Variants in FOXK1 observed in about 807,000 individuals in gnomAD.
The protein encoded by FOXK1 is forkhead box K1.
In FOXK1, 19 loss-of-function variants were observed where a neutral mutation model predicts 51.9. The ratio of observed to expected loss-of-function variants is 0.37; its 90% CI spans 0.26 to 0.54. The LOEUF (loss-of-function observed/expected upper bound fraction) is 0.54, where lower values mean the gene tolerates loss of function less well. FOXK1 is among the 20% of genes least tolerant of loss of function. The pLI, the probability that FOXK1 is intolerant of heterozygous loss-of-function variation, is 0.87. For missense variants in FOXK1, 870 were observed against 1,032.7 expected, an observed-to-expected ratio of 0.84 and a Z score of 2.16; for synonymous variants, 537 against 482.6, an observed-to-expected ratio of 1.11 and a Z score of -1.48.
rs1246334311 is a variant in FOXK1, at chr7:4,758,840, C to T, written c.1245-211C>T. Reference sequence around the variant, plus strand: ...CATGATACCGTCCCCTCTCATGGAACGGAGCCTCCCCCATGCAGCCCCCAC... The same window carrying T: ...CATGATACCGTCCCCTCTCATGGAATGGAGCCTCCCCCATGCAGCCCCCAC... On this transcript the variant is annotated intron_variant, in intron 5 of 8. Transcript: ENST00000328914. The surrounding 1 kb of genome is among the most constrained non-coding windows in gnomAD (Gnocchi z 4.4). 3 of 587,184 alleles carry T rather than the reference C, an allele frequency of 5.1e-6. No individual in the cohort carries two copies. The highest frequency in any genetic ancestry group is 3.0e-6 in the Non-Finnish European group (1 of 334,990). 36.4% of individuals were successfully genotyped at this position (587,184 alleles called of 1,614,324 possible).
In FOXK1 at chr7:4,691,885, A is replaced by G. The variant is rs554262634; in HGVS notation, c.560+9017A>G. Among the ~76,000 whole-genome samples the G allele has an allele frequency of 6.6e-5, 10 of 152,256 alleles. No homozygotes were observed. In the East Asian group the frequency reaches 1.7e-3, roughly 26 times the overall value. On this transcript the variant is annotated intron_variant, in intron 1 of 8. Coordinates refer to ENST00000328914, the MANE Select transcript of FOXK1 (RefSeq NM_001037165.2). Reference sequence around the variant, plus strand: ...CCTGTTCCCCTAAGTGTCAAAGGGCATGGTTCTCTTTGGGCAGAATGGCTG... The same window carrying G: ...CCTGTTCCCCTAAGTGTCAAAGGGCGTGGTTCTCTTTGGGCAGAATGGCTG...
chr7:4,704,298 A>G (rs1187668321), intron 1 of FOXK1, among the ~76,000 whole-genome samples: 1 of 151,996 alleles, frequency 6.6e-6, no homozygotes, highest in East Asian at 1.9e-4. Context: ...TAAAAACACA[A>G]AAATTAGTCG....
chr7:4,728,400 A>T (rs1780407732), intron 1 of FOXK1, among the ~76,000 whole-genome samples: 1 of 152,244 alleles, frequency 6.6e-6, no homozygotes, highest in Non-Finnish European at 1.5e-5. Context: ...CATTAAGCTC[A>T]TTCCACTTCA....
chr7:4,756,743 C>T lies in FOXK1; in HGVS notation c.1051-251C>T, dbSNP rs1023307238. On this transcript the variant is annotated intron_variant, in intron 4 of 8. Transcript: ENST00000328914. This position sits in a 1 kb window ranked among gnomAD's most constrained non-coding sequence, Gnocchi z 4.1. ...TCGTGCCACTGCACTCCATCCTGGG[C>T]GACAGAATGAGACTCCGTCAAAAAA... 2.0e-5 allele frequency among the ~76,000 whole-genome samples: 3 copies of T among 150,384 alleles called. No individual in the cohort carries two copies. The highest frequency in any genetic ancestry group is 3.2e-3 in the Middle Eastern group (1 of 310).
In FOXK1 at chr7:4,715,356, A is replaced by T. The variant is rs1780220999; in HGVS notation, c.561-25482A>T. ...CCGATAGGATCAAGCCCAAGTGTTC[A>T]GGGCGCTCAGCTGTGGGTGGCCCGT... On this transcript the variant is annotated intron_variant, in intron 1 of 8. Coordinates refer to ENST00000328914, the MANE Select transcript of FOXK1 (RefSeq NM_001037165.2). This position sits in a 1 kb window ranked among gnomAD's most constrained non-coding sequence, Gnocchi z 4.5. Among the ~76,000 whole-genome samples the T allele has an allele frequency of 6.6e-6, 1 of 152,130 alleles. No individual in the cohort carries two copies. Among genetic ancestry groups the T allele is most frequent in the Non-Finnish European group, 1.5e-5 (1 of 68,020 alleles).
chr7:4,705,948 A>T (rs1780084794), intron 1 of FOXK1, among the ~76,000 whole-genome samples: 1 of 130,624 alleles, frequency 7.7e-6, no homozygotes, highest in African/African-American at 3.7e-5. Flanking sequence ...TTTCAAAATT[A>T]TATATATATA....
intron 1 of FOXK1, among the ~76,000 whole-genome samples, chr7:4,697,798 G>A (rs1257302915): frequency 2.1e-5 from 3 of 145,760 alleles, no homozygotes; most frequent in Non-Finnish European, 3.0e-5. Context: ...TGTTTCTTTG[G>A]TATGAGTTTT....
intron 1 of FOXK1, among the ~76,000 whole-genome samples, chr7:4,713,048 G>A (rs901198952): frequency 6.6e-6 from 1 of 152,134 alleles, no homozygotes; most frequent in Admixed American, 6.5e-5. Context: ...CCCTTAGGCC[G>A]ATAACTCCAC....
At chr7:4,744,350 T>C (rs753224872) in intron 2 of FOXK1, among the ~76,000 whole-genome samples, 1 of 152,138 alleles carries the variant, frequency 6.6e-6, no homozygotes, top group Non-Finnish European at 1.5e-5. Context: ...GGGGTTCCCG[T>C]TACCTAAAGG....
chr7:4,750,552 C>T (rs1359953104), intron 2 of FOXK1, among the ~76,000 whole-genome samples: 2 of 151,886 alleles, frequency 1.3e-5, no homozygotes, highest in South Asian at 2.1e-4. Flanking sequence ...ACGCCATTCT[C>T]CTGCCTCAGC....
intron 1 of FOXK1, among the ~76,000 whole-genome samples, chr7:4,693,250 C>G (rs1779916085): frequency 1.3e-5 from 2 of 152,030 alleles, no homozygotes; most frequent in African/African-American, 4.8e-5. Flanking sequence ...AAACTTGATC[C>G]CTTCGAACCC....
rs906321364 is a variant in FOXK1 at position 4,734,845 on chromosome 7, C to T, written c.561-5993C>T. On this transcript the variant is annotated intron_variant, in intron 1 of 8. Coordinates refer to ENST00000328914, the MANE Select transcript of FOXK1 (RefSeq NM_001037165.2). This position sits in a 1 kb window ranked among gnomAD's most constrained non-coding sequence, Gnocchi z 5.2. ...GTTCACCCCATCCAGAAAGTAAACC[C>T]GTCCTTCCGCTGGGAGAGACGGGGC... Among the ~76,000 whole-genome samples, 3 of 152,160 alleles carry T rather than the reference C, an allele frequency of 2.0e-5. No individual in the cohort carries two copies. Among genetic ancestry groups the T allele is most frequent in the South Asian group, 2.1e-4 (1 of 4,832 alleles).
intron 1 of FOXK1, among the ~76,000 whole-genome samples, chr7:4,739,085 G>A (rs950289279): frequency 6.6e-6 from 1 of 152,170 alleles, no homozygotes; most frequent in Admixed American, 6.5e-5. Context: ...GGGTGTCTGC[G>A]CACGTCCATG....
chr7:4,759,867 C>T (rs1780908743), intron 7 of FOXK1: 1 of 545,994 alleles, frequency 1.8e-6, no homozygotes. Flanking sequence ...CCCGTCTCTA[C>T]TGAAAATACA....
chr7:4,706,606 C>G (rs560751910), intron 1 of FOXK1, among the ~76,000 whole-genome samples: 11 of 152,310 alleles, frequency 7.2e-5, no homozygotes, highest in East Asian at 5.8e-4. Context: ...ACCCACCCCA[C>G]CAGCTGGATG....
Position 4,740,856 on chromosome 7 carries a change from C to T in FOXK1, c.579C>T (p.Pro193=). ...GTTGCAGGTGTACCTTCCGGTTTCCCAGCACGGCCATCAAGATCCAGTTCA... is the reference window on the plus strand; with the variant it reads ...GTTGCAGGTGTACCTTCCGGTTTCCTAGCACGGCCATCAAGATCCAGTTCA... ...QLPKQCTFRF[P]STAIKIQFTS... is the part of the protein sequence containing the mutation. Residue 193 remains proline, a synonymous_variant, in exon 2 of 9, where the codon CCC becomes CCT. Transcript: ENST00000328914. 3 of 1,596,242 alleles carry T rather than the reference C, an allele frequency of 1.9e-6. No individual in the cohort carries two copies. The highest frequency in any genetic ancestry group is 2.6e-6 in the Non-Finnish European group (3 of 1,172,378).
At chr7:4,699,731 T>TC (rs2115034188) in intron 1 of FOXK1, among the ~76,000 whole-genome samples, 1 of 152,274 alleles carries the variant, frequency 6.6e-6, no homozygotes, top group East Asian at 1.9e-4. Context: ...ACCAAAGAGT[T>TC]GCTGTGTTTT....
chr7:4,746,731 T>C (rs911111471), intron 2 of FOXK1, among the ~76,000 whole-genome samples: 6 of 152,192 alleles, frequency 3.9e-5, no homozygotes, highest in African/African-American at 1.4e-4. Flanking sequence ...GCTGCAGCCT[T>C]CCGTGTGTTT....
rs915594353 is a variant in FOXK1, at chr7:4,745,834, G to A, written c.746+4811G>A. On this transcript the variant is annotated intron_variant, in intron 2 of 8. Coordinates refer to ENST00000328914, the MANE Select transcript of FOXK1 (RefSeq NM_001037165.2). The surrounding 1 kb of genome is among the most constrained non-coding windows in gnomAD (Gnocchi z 4.3). The stretch of plus-strand genomic sequence containing the variant: ...GAACCTAGGAGGCAGAGGTTGCAGT[G>A]AACCAAGATTGCACCACTCCAGACT... Among the ~76,000 whole-genome samples, 1 of 151,506 alleles carries A rather than the reference G, an allele frequency of 6.6e-6. No homozygotes were observed. Among genetic ancestry groups the A allele is most frequent in the East Asian group, 1.9e-4 (1 of 5,170 alleles).
Sources: allele counts gnomAD v4.1 joint callset (sites outside exome capture counted in the v4.1 genomes callset), GRCh38; gene constraint gnomAD v4.1.1; non-coding constraint Gnocchi (gnomAD v3.1); transcripts MANE v1.5; gene names NCBI Gene and HGNC (gene_info 2026-07-23, HGNC 2026-07-21).